The following EXOC4 variants were observed in gnomAD, a reference collection of about 807,000 sequenced individuals.
EXOC4 encodes SEC8-like 1.
EXOC4 carries 71 observed loss-of-function variants against 107.2 expected under a neutral mutation model. The ratio of observed to expected loss-of-function variants is 0.66; its 90% CI spans 0.55 to 0.81. The LOEUF is 0.81. EXOC4 is among the 30% of genes least tolerant of loss of function. The pLI, the probability that EXOC4 is intolerant of heterozygous loss-of-function variation, is 0.00. For missense variants in EXOC4, 1,108 were observed against 1,189.6 expected (o/e 0.93, Z 1.01); for synonymous variants, 456 against 441.2 (o/e 1.03, Z -0.42).
chr7:133,326,004 C>G (rs548114969), intron 5 of EXOC4, among the ~76,000 whole-genome samples: 2 of 152,216 alleles, frequency 1.3e-5, no homozygotes, highest in African/African-American at 4.8e-5. Context: ...TTGATCAAAT[C>G]GGCTACTGAA....
chr7:133,963,670 C>T (rs891280148), intron 14 of EXOC4, among the ~76,000 whole-genome samples: 8 of 152,156 alleles, frequency 5.3e-5, no homozygotes, highest in Non-Finnish European at 1.2e-4. Flanking sequence ...TGAGAATTCC[C>T]ATGAAAGCAG....
Position 133,532,957 on chromosome 7 carries a change from A to G in EXOC4, c.1417+52819A>G, listed in dbSNP as rs891325713. Among the ~76,000 whole-genome samples, 3 of 151,976 alleles carry G rather than the reference A, an allele frequency of 2.0e-5. No homozygotes were observed. In the South Asian group the frequency reaches 6.2e-4, roughly 31 times the overall value. On this transcript the variant is annotated intron_variant, in intron 9 of 17. Transcript: ENST00000253861. ...TTTTTCTTTGAGATTTCAGGGTGAA[A>G]ATTGCATGGCTGGAGCATGACCCAG...
chr7:133,848,838 C>T (rs1423270735), intron 11 of EXOC4, among the ~76,000 whole-genome samples: 1 of 152,158 alleles, frequency 6.6e-6, no homozygotes, highest in Admixed American at 6.5e-5. Flanking sequence ...TTGGGAGCAT[C>T]AGGACATTTC....
intron 7 of EXOC4, among the ~76,000 whole-genome samples, chr7:133,404,035 A>G (rs1797152793): frequency 6.6e-6 from 1 of 152,232 alleles, no homozygotes. Context: ...TTCTGGCCCT[A>G]TTCTGATATA....
At chr7:133,507,691 A>G (rs1799691341) in intron 9 of EXOC4, among the ~76,000 whole-genome samples, 1 of 152,248 alleles carries the variant, frequency 6.6e-6, no homozygotes, top group African/African-American at 2.4e-5. Flanking sequence ...GAATTTTAGC[A>G]TGACCAGTTG....
At chr7:133,344,420 T>C (rs142619689) in intron 5 of EXOC4, among the ~76,000 whole-genome samples, 4 of 152,258 alleles carry the variant, frequency 2.6e-5, no homozygotes, top group Non-Finnish European at 5.9e-5. Flanking sequence ...TTTTATGATA[T>C]TGGGGTGTTT....
chr7:134,090,490 C>A, the EXOC4 span, among the ~76,000 whole-genome samples: 1 of 152,180 alleles, frequency 6.6e-6, no homozygotes, highest in African/African-American at 2.4e-5. Flanking sequence ...CCTCTCAAAT[C>A]CTTTTTCCAT....
rs566434874 is a variant in EXOC4, at chr7:133,530,595, C to T, written c.1417+50457C>T. Among the ~76,000 whole-genome samples, 20 of 152,206 alleles carry T rather than the reference C, an allele frequency of 1.3e-4. No individual in the cohort carries two copies. In the South Asian group the frequency reaches 3.5e-3, roughly 27 times the overall value. On this transcript the variant is annotated intron_variant, in intron 9 of 17. Transcript: ENST00000253861. ...GATGTTGATGGAAATGTTGTTATGC[C>T]GCACACAACTATACATTTATCCATC...
chr7:133,932,258 G>A (rs891390679), intron 13 of EXOC4, among the ~76,000 whole-genome samples: 3 of 152,200 alleles, frequency 2.0e-5, no homozygotes, highest in East Asian at 3.9e-4. Flanking sequence ...GAAACAGCAC[G>A]CTGGGAAGAA....
At chr7:133,421,396 A>G (rs1375757679) in intron 7 of EXOC4, among the ~76,000 whole-genome samples, 1 of 152,230 alleles carries the variant, frequency 6.6e-6, no homozygotes, top group East Asian at 1.9e-4. Flanking sequence ...TTGGGACCAA[A>G]TGATGACAGT....
chr7:133,775,673 G>A (rs1003908653), intron 10 of EXOC4, among the ~76,000 whole-genome samples: 20 of 152,118 alleles, frequency 1.3e-4, no homozygotes, highest in African/African-American at 4.8e-4. Context: ...AAATGTCTAA[G>A]AAAATGTACA....
chr7:133,428,251 G>A (rs1422434638), intron 7 of EXOC4, among the ~76,000 whole-genome samples: 9 of 152,152 alleles, frequency 5.9e-5, no homozygotes, highest in South Asian at 2.1e-4. Flanking sequence ...TTGTGTAGTC[G>A]AATGTAAATT....
chr7:133,504,765 G>T (rs1799636906), intron 9 of EXOC4, among the ~76,000 whole-genome samples: 3 of 151,982 alleles, frequency 2.0e-5, no homozygotes, highest in Admixed American at 2.0e-4. Flanking sequence ...TTCTGCCGGG[G>T]TAACTGTGTT....
chr7:134,066,827 G>C (rs1377682077), downstream of EXOC4, among the ~76,000 whole-genome samples: 1 of 152,080 alleles, frequency 6.6e-6, no homozygotes, highest in Non-Finnish European at 1.5e-5. Context: ...CTTGTGTGAA[G>C]ACCTCTCCCT....
At position 133,859,976 on chromosome 7, in the gene EXOC4, ACTC is replaced by A. The variant is rs764745334; in HGVS notation, c.1735-35621_1735-35619del. Among the ~76,000 whole-genome samples the A allele has an allele frequency of 4.6e-5, 7 of 152,054 alleles. No homozygotes were observed. In the South Asian group the frequency reaches 1.2e-3, roughly 27 times the overall value. On this transcript the variant is annotated intron_variant, in intron 11 of 17. Coordinates refer to ENST00000253861, the MANE Select transcript of EXOC4 (RefSeq NM_021807.4). ...AGCAGAGCCAGCTGTAGACTAGAAA[ACTC>A]CAACCCGTAGAACATCTGGAATGTT...
intron 9 of EXOC4, among the ~76,000 whole-genome samples, chr7:133,531,209 A>G (rs1472604917): frequency 2.0e-5 from 3 of 152,144 alleles, no homozygotes; most frequent in African/African-American, 7.2e-5. Flanking sequence ...TATAGATGAT[A>G]TTATCTTTAT....
At chr7:133,377,675 A>C (rs1477609963) in intron 7 of EXOC4, among the ~76,000 whole-genome samples, 3 of 152,192 alleles carry the variant, frequency 2.0e-5, no homozygotes, top group African/African-American at 7.2e-5. Context: ...CAGATGCAAG[A>C]AACGTAACAA....
intron 11 of EXOC4, among the ~76,000 whole-genome samples, chr7:133,844,628 TC>T (rs1019996114): frequency 1.1e-4 from 16 of 152,164 alleles, no homozygotes; most frequent in Admixed American, 7.9e-4. Flanking sequence ...GATCTTGTGA[TC>T]TGCCTGCCTC....
At chr7:133,317,792 C>T (rs1795025498) in intron 5 of EXOC4, among the ~76,000 whole-genome samples, 1 of 152,076 alleles carries the variant, frequency 6.6e-6, no homozygotes, top group Admixed American at 6.6e-5. Flanking sequence ...AGGGATTCTC[C>T]TGCCTTGGCC....
Sources: allele counts gnomAD v4.1 joint callset (sites outside exome capture counted in the v4.1 genomes callset), GRCh38; gene constraint gnomAD v4.1.1; transcripts MANE v1.5; gene names NCBI Gene and HGNC (gene_info 2026-07-23, HGNC 2026-07-21).